OSBPL5: variants seen among roughly 807,000 people sequenced by gnomAD.
OSBPL5 encodes the protein oxysterol binding protein like 5.
In OSBPL5, 71 loss-of-function variants were observed where a neutral mutation model predicts 111.2. That is an observed-to-expected ratio of 0.64 (90% CI 0.53 to 0.78). OSBPL5 has a LOEUF of 0.78. Ranked by LOEUF, OSBPL5 falls within the 30% of genes least tolerant of loss-of-function variation. The pLI is 0.00. For synonymous variants in OSBPL5, 549 were observed against 513.9 expected, an observed-to-expected ratio of 1.07 and a Z score of -0.93; for missense variants, 1,210 against 1,189.3, an observed-to-expected ratio of 1.02 and a Z score of -0.26.
At position 3,138,270 on chromosome 11, in the gene OSBPL5, A is replaced by C. The variant is rs11820700; in HGVS notation, c.-21-9101T>G. ...TCCACCAGCCCTAAGAAGCCCTGGC[A>C]TGGGGGCGGGCTGGGCGTGGTCCCT... On this transcript the variant is annotated intron_variant, in intron 1 of 21. Coordinates refer to ENST00000263650, the MANE Select transcript of OSBPL5 (RefSeq NM_020896.4). Among the ~76,000 whole-genome samples the C allele has an allele frequency of 8.8e-3, 1,343 of 152,294 alleles. 16 individuals are homozygous for C. Among genetic ancestry groups the C allele is most frequent in the African/African-American group, 0.031 (1,283 of 41,576 alleles).
intron 1 of OSBPL5, among the ~76,000 whole-genome samples, chr11:3,148,640 A>G (rs909126396): frequency 2.0e-5 from 3 of 152,244 alleles, no homozygotes; most frequent in Admixed American, 6.5e-5. Context: ...ATACGAAGCC[A>G]AACGGGAGAG....
Position 3,093,517 on chromosome 11 carries a change from C to CT in OSBPL5, c.1946+9_1946+10insA, listed in dbSNP as rs753721308. On this transcript the variant is annotated intron_variant, in intron 17 of 21. Coordinates refer to ENST00000263650, the MANE Select transcript of OSBPL5 (RefSeq NM_020896.4). ...GGTCAGCAGGGTCCCTGGGCGCTGA[C>CT]AGGCCTCACCTCTCGGACTCCAGCT... 7.9e-5 allele frequency: 127 copies of CT among 1,605,626 alleles called. No homozygotes were observed. Among genetic ancestry groups the CT allele is most frequent in the Non-Finnish European group, 1.0e-4 (122 of 1,178,786 alleles).
chr11:3,122,421 T>C lies in OSBPL5; in HGVS notation c.227A>G (p.Tyr76Cys). 1.2e-6 allele frequency: 2 copies of C among 1,613,712 alleles called. No homozygotes were observed. Among genetic ancestry groups the C allele is most frequent in the African/African-American group, 1.3e-5 (1 of 75,054 alleles). Residue 76 changes from tyrosine (Y) to cysteine (C), a missense_variant, in exon 4 of 22, where the codon TAC becomes TGC. Tyr to Cys is a radical substitution (Grantham distance 194). Coordinates refer to ENST00000263650, the MANE Select transcript of OSBPL5 (RefSeq NM_020896.4). ...CTTGTCTGACCCGTTGCACAGCCTG[T>C]ACTCTGCCTGAAAGAGAGAGGTGGG... is the stretch of plus-strand genomic sequence containing the variant. ...SSATKVPPAE[Y>C]RLCNGSDKEC...
intron 7 of OSBPL5, among the ~76,000 whole-genome samples, chr11:3,111,665 G>A (rs1021985388): frequency 6.6e-6 from 1 of 151,910 alleles, no homozygotes; most frequent in African/African-American, 2.4e-5. Context: ...TGAAGTGGCT[G>A]AATTCCCCTC....
chr11:3,104,667 G>A lies in OSBPL5; in HGVS notation c.1060-290C>T, dbSNP rs533145955. On this transcript the variant is annotated intron_variant, in intron 9 of 21. Transcript: ENST00000263650. This position sits in a 1 kb window ranked among gnomAD's most constrained non-coding sequence, Gnocchi z 5.0. ...CCCTGCCCTCCTCAAAGTCCAGGGT[G>A]CAGCCTCCCAACACCTGCTGTTGAA... 5.9e-5 allele frequency among the ~76,000 whole-genome samples: 9 copies of A among 152,282 alleles called. No individual in the cohort carries two copies. The highest frequency in any genetic ancestry group is 2.2e-4 in the African/African-American group (9 of 41,568).
At chr11:3,164,765 T>G (rs1017077466) in intron 1 of OSBPL5, among the ~76,000 whole-genome samples, 24 of 152,200 alleles carry the variant, frequency 1.6e-4, no homozygotes, top group African/African-American at 5.3e-4. Flanking sequence ...TGCAGACCCA[T>G]CAAGACCTGG....
At position 3,092,651 on chromosome 11, in the gene OSBPL5, A is replaced by C; in HGVS notation, c.2133-93T>G. ...AGTCTTCAGCCCCCCAACAGTGGCC[A>C]GAGACCTCCAGGAGAATGACCACTG... On this transcript the variant is annotated intron_variant, in intron 18 of 21. Coordinates refer to ENST00000263650, the MANE Select transcript of OSBPL5 (RefSeq NM_020896.4). This position sits in a 1 kb window ranked among gnomAD's most constrained non-coding sequence, Gnocchi z 5.4. 1 of 1,436,848 alleles carries C rather than the reference A, an allele frequency of 7.0e-7. No individual in the cohort carries two copies. Among genetic ancestry groups the C allele is most frequent in the Non-Finnish European group, 9.3e-7 (1 of 1,077,704 alleles). The allele number at this position is 1,436,848 out of a possible 1,614,324, so 89.0% of individuals were successfully genotyped here.
intron 2 of OSBPL5, among the ~76,000 whole-genome samples, chr11:3,127,003 G>T (rs961440623): frequency 1.3e-5 from 2 of 152,192 alleles, no homozygotes; most frequent in African/African-American, 4.8e-5. Flanking sequence ...GCTGGGAGGT[G>T]GTCAGCCCTG....
chr11:3,151,500 T>C (rs1846584374), intron 1 of OSBPL5, among the ~76,000 whole-genome samples: 1 of 152,204 alleles, frequency 6.6e-6, no homozygotes. Flanking sequence ...GGCCGCTTCC[T>C]GCCAGCACAG....
chr11:3,103,056 T>C (rs1349992484), intron 11 of OSBPL5, among the ~76,000 whole-genome samples, 183 bp downstream of exon 11: 1 of 151,990 alleles, frequency 6.6e-6, no homozygotes, highest in Non-Finnish European at 1.5e-5. Flanking sequence ...GCCCCAACTG[T>C]GGGAAGTGGG....
chr11:3,155,518 G>GTCTGCCACTCACTCACCCCAGC (rs71035490), intron 1 of OSBPL5, among the ~76,000 whole-genome samples: 1 of 59,406 alleles, frequency 1.7e-5, no homozygotes, highest in Admixed American at 1.9e-4. Flanking sequence ...CTCACCCCAG[G>GTCTGCCACTCACTCACCCCAGC]TCTGCCACTC....
At chr11:3,156,236 C>T (rs1331950832) in intron 1 of OSBPL5, among the ~76,000 whole-genome samples, 3 of 152,194 alleles carry the variant, frequency 2.0e-5, no homozygotes, top group Non-Finnish European at 4.4e-5. Flanking sequence ...ACGCTTGCTC[C>T]AGGGATGGAA....
chr11:3,158,874 G>A (rs1390214983), intron 1 of OSBPL5, among the ~76,000 whole-genome samples: 9 of 152,208 alleles, frequency 5.9e-5, no homozygotes, highest in Non-Finnish European at 7.3e-5. Flanking sequence ...GGGAGCTCTG[G>A]ATGTCCAAGT....
Position 3,088,191 on chromosome 11 carries a change from T to C in OSBPL5, c.*14A>G. The C allele has an allele frequency of 3.2e-6, 5 of 1,561,824 alleles. No homozygotes were observed. Among genetic ancestry groups the C allele is most frequent in the Non-Finnish European group, 4.3e-6 (5 of 1,151,124 alleles). ...AGGGCTCAGGACCGGCCAGGAGCTC[T>C]GCCCTCAGGGCTCCTATTTGAGGAT... On this transcript the variant is annotated 3_prime_UTR_variant, in exon 22 of 22. Transcript: ENST00000263650.
chr11:3,100,229 C>T lies in OSBPL5; in HGVS notation c.1550G>A (p.Gly517Asp). 1.9e-6 allele frequency: 3 copies of T among 1,613,988 alleles called. No homozygotes were observed. Among genetic ancestry groups the T allele is most frequent in the Non-Finnish European group, 2.5e-6 (3 of 1,179,966 alleles). ...GTTCAGGAAGGTGAGCGTGGCTTTG[C>T]CGTCCAGCAGCGCCGACAGCGAGTT... is the stretch of plus-strand genomic sequence containing the variant. ...YGNSLSALLD[G>D]KATLTFLNRA... The change falls in exon 14 of 22, where the codon GGC becomes GAC. Residue 517 changes from glycine to aspartate, a missense_variant. Gly to Asp is a moderately conservative substitution (Grantham distance 94, BLOSUM62 -1). Transcript: ENST00000263650.
intron 1 of OSBPL5, among the ~76,000 whole-genome samples, chr11:3,131,587 C>T (rs1383659926): frequency 1.1e-4 from 12 of 109,632 alleles, no homozygotes; most frequent in South Asian, 5.9e-4. Flanking sequence ...ATCCATCCAC[C>T]CATTCATCCA....
At chr11:3,122,575 C>G (rs899417133) in intron 3 of OSBPL5, 147 bp from the exon 4 acceptor site, 3 of 673,228 alleles carry the variant, frequency 4.5e-6, no homozygotes, top group Admixed American at 2.8e-5. Context: ...CCATCCCCCC[C>G]ACCAGCACTT....
intron 21 of OSBPL5, 124 bp from the exon 22 acceptor site, chr11:3,088,467 A>G: frequency 8.7e-7 from 1 of 1,149,992 alleles, no homozygotes; most frequent in Non-Finnish European, 1.1e-6. Flanking sequence ...TGGAGATGGG[A>G]TGGCCCTCCA....
chr11:3,152,910 C>A (rs1250267361), intron 1 of OSBPL5, among the ~76,000 whole-genome samples: 1 of 152,172 alleles, frequency 6.6e-6, no homozygotes, highest in Admixed American at 6.5e-5. Flanking sequence ...GGTCCTCCTG[C>A]CGCGTCCGTC....
Sources: gnomAD v4.1 joint callset for allele counts (sites outside exome capture counted in the v4.1 genomes callset) on GRCh38, gnomAD v4.1.1 for gene constraint, Gnocchi (gnomAD v3.1) non-coding constraint, MANE v1.5 for transcripts, NCBI Gene and HGNC (gene_info 2026-07-23, HGNC 2026-07-21) for gene names.